The following LRMDA variants were observed in gnomAD, a reference collection of about 807,000 sequenced individuals.
The protein encoded by LRMDA is leucine rich melanocyte differentiation associated, also known as leucine-rich melanocyte differentiation-associated protein.
A neutral mutation model predicts 29.8 loss-of-function variants in LRMDA; 18 were observed. The ratio of observed to expected loss-of-function variants is 0.60; its 90% CI spans 0.42 to 0.90. The LOEUF is 0.90. LRMDA is among the 40% of genes least tolerant of loss of function. The probability of loss-of-function intolerance (pLI) is 0.00; values close to 1 mark genes in which losing one functional copy is unlikely to be tolerated. For synonymous variants in LRMDA, 125 were observed against 109.4 expected (o/e 1.14, Z -0.89); for missense variants, 273 against 273.9 (o/e 1.00, Z 0.02).
intron 2 of LRMDA, among the ~76,000 whole-genome samples, chr10:75,862,435 C>T (rs1844947982): frequency 6.6e-6 from 1 of 152,088 alleles, no homozygotes; most frequent in African/African-American, 2.4e-5. Flanking sequence ...CAGTCCCTTC[C>T]CATTAGGTCC....
intron 2 of LRMDA, chr10:75,450,725 T>C (rs1387612152): frequency 6.6e-6 from 1 of 152,258 alleles, no homozygotes; most frequent in African/African-American, 2.4e-5. Context: ...TGAGGGGCTG[T>C]TATTAATGTA....
chr10:76,267,206 TG>T (rs1309156577), intron 5 of LRMDA, among the ~76,000 whole-genome samples: 2 of 152,196 alleles, frequency 1.3e-5, no homozygotes, highest in Non-Finnish European at 2.9e-5. Context: ...AATTTTTTTT[TG>T]TTTTTTTTAA....
At chr10:76,013,809 A>G (rs935478174) in intron 2 of LRMDA, among the ~76,000 whole-genome samples, 4 of 152,010 alleles carry the variant, frequency 2.6e-5, no homozygotes, top group African/African-American at 7.2e-5. Flanking sequence ...GGCTGTTAGC[A>G]GACCCCATTG....
chr10:75,828,619 C>A lies in LRMDA; in HGVS notation c.132-207389C>A, dbSNP rs776416409. On this transcript the variant is annotated intron_variant, in intron 2 of 6. Coordinates refer to ENST00000611255, the MANE Select transcript of LRMDA (RefSeq NM_001305581.2). ...ATATTTGGAAGACTAAAGATTATTC[C>A]CCACCAAGAAGTTTTGTCAACCTGA... Among the ~76,000 whole-genome samples, 15 of 152,070 alleles carry A rather than the reference C, an allele frequency of 9.9e-5. 1 individual carries two copies. Among genetic ancestry groups the A allele is most frequent in the Admixed American group, 2.6e-4 (4 of 15,264 alleles).
intron 5 of LRMDA, among the ~76,000 whole-genome samples, chr10:76,059,056 G>C (rs947594601): frequency 1.3e-5 from 2 of 152,182 alleles, no homozygotes; most frequent in Non-Finnish European, 2.9e-5. Context: ...TTCACTAAGT[G>C]GGGCCTCTGC....
At chr10:76,031,898 T>A (rs892481278) in intron 2 of LRMDA, among the ~76,000 whole-genome samples, 1 of 152,192 alleles carries the variant, frequency 6.6e-6, no homozygotes, top group Non-Finnish European at 1.5e-5. Flanking sequence ...TGGTCAGCTA[T>A]TCCCCATGTT....
intron 2 of LRMDA, among the ~76,000 whole-genome samples, chr10:75,607,663 C>A (rs139638795): frequency 1.9e-4 from 29 of 152,150 alleles, no homozygotes; most frequent in African/African-American, 7.0e-4. Flanking sequence ...AGAATCACTG[C>A]CTTGTTTTGG....
At chr10:76,257,642 G>C (rs1305938307) in intron 5 of LRMDA, among the ~76,000 whole-genome samples, 1 of 152,062 alleles carries the variant, frequency 6.6e-6, no homozygotes, top group African/African-American at 2.4e-5. Flanking sequence ...CCAGCACTGG[G>C]TATTTTTATT....
chr10:76,076,649 C>T (rs1848965102), intron 5 of LRMDA, among the ~76,000 whole-genome samples: 1 of 152,018 alleles, frequency 6.6e-6, no homozygotes, highest in Admixed American at 6.5e-5. Flanking sequence ...CTTGGGCCTC[C>T]TCTTGGCCCA....
intron 2 of LRMDA, among the ~76,000 whole-genome samples, chr10:75,639,793 G>A (rs1841429518): frequency 6.6e-6 from 1 of 152,230 alleles, no homozygotes; most frequent in Non-Finnish European, 1.5e-5. Context: ...CCAAGCAGTA[G>A]GTCCATCTTG....
chr10:75,779,017 A>G (rs1277658742), intron 2 of LRMDA, among the ~76,000 whole-genome samples: 1 of 152,162 alleles, frequency 6.6e-6, no homozygotes, highest in Non-Finnish European at 1.5e-5. Flanking sequence ...CCTCCCAGCT[A>G]GCCTCTGGAA....
intron 2 of LRMDA, among the ~76,000 whole-genome samples, chr10:75,534,815 G>A (rs1186973981): frequency 2.6e-5 from 4 of 152,142 alleles, no homozygotes; most frequent in Admixed American, 2.6e-4. Flanking sequence ...AAATAGATAT[G>A]ATGTTTCTTT....
chr10:76,542,648 A>G (rs1843370939), intron 6 of LRMDA, among the ~76,000 whole-genome samples: 1 of 152,232 alleles, frequency 6.6e-6, no homozygotes, highest in Admixed American at 6.5e-5. Flanking sequence ...CAACATTATT[A>G]CCTTGATTGA....
At chr10:75,927,045 A>T (rs1369041180) in intron 2 of LRMDA, among the ~76,000 whole-genome samples, 1 of 152,204 alleles carries the variant, frequency 6.6e-6, no homozygotes, top group Non-Finnish European at 1.5e-5. Context: ...TTGCACCATC[A>T]GGGACACCAC....
intron 6 of LRMDA, among the ~76,000 whole-genome samples, chr10:76,377,764 T>C (rs1016199666): frequency 2.6e-5 from 4 of 152,258 alleles, no homozygotes; most frequent in African/African-American, 9.6e-5. Flanking sequence ...AATATCAGAC[T>C]GTTTTGGTTT....
chr10:76,538,557 C>CAGTTATATATATGTATATATATAT (rs1564570349), intron 6 of LRMDA, among the ~76,000 whole-genome samples: 9 of 122,074 alleles, frequency 7.4e-5, no homozygotes, highest in African/African-American at 3.3e-4. Flanking sequence ...TATATATATA[C>CAGTTATATATATGTATATATATAT]ACACACACAC....
intron 2 of LRMDA, among the ~76,000 whole-genome samples, chr10:75,890,474 G>A (rs993681882): frequency 1.3e-5 from 2 of 152,154 alleles, no homozygotes; most frequent in African/African-American, 4.8e-5. Flanking sequence ...CCAGGGCCAG[G>A]GTTATTCATC....
At chr10:75,493,304 C>G (rs1030958792) in intron 2 of LRMDA, among the ~76,000 whole-genome samples, 2 of 150,362 alleles carry the variant, frequency 1.3e-5, no homozygotes, top group Non-Finnish European at 2.9e-5. Context: ...AGTTTTGGCT[C>G]TTTGGGATCT....
chr10:76,169,586 G>A (rs945441698), intron 5 of LRMDA, among the ~76,000 whole-genome samples: 1 of 152,100 alleles, frequency 6.6e-6, no homozygotes, highest in Non-Finnish European at 1.5e-5. Context: ...ATTTTCTTTA[G>A]TGGTCATTAA....
Sources: gnomAD v4.1 joint callset for allele counts (sites outside exome capture counted in the v4.1 genomes callset) on GRCh38, gnomAD v4.1.1 for gene constraint, MANE v1.5 for transcripts, NCBI Gene and HGNC (gene_info 2026-07-23, HGNC 2026-07-21) for gene names.